Variants in IL1RAPL1 observed in about 807,000 individuals in gnomAD.
IL1RAPL1 encodes the protein interleukin 1 receptor accessory protein like 1.
IL1RAPL1 carries 3 observed loss-of-function variants against 48.4 expected under a neutral mutation model. The observed-to-expected ratio is 0.06, with a 90% CI of 0.03 to 0.16. IL1RAPL1 has a LOEUF of 0.16. IL1RAPL1 is among the 10% of genes least tolerant of loss of function. The probability of loss-of-function intolerance (pLI) is 1.00; values close to 1 mark genes in which losing one functional copy is unlikely to be tolerated. For missense variants in IL1RAPL1, 349 were observed against 530.6 expected, an observed-to-expected ratio of 0.66 and a Z score of 3.36; for synonymous variants, 185 against 187.7, an observed-to-expected ratio of 0.99 and a Z score of 0.12.
chrX:29,176,289 A>G (rs1260642149), intron 2 of IL1RAPL1, among the ~76,000 whole-genome samples: 1 of 98,153 alleles, frequency 1.0e-5, no homozygotes, highest in Non-Finnish European at 2.0e-5. Flanking sequence ...TTTTTTTAGT[A>G]GAGACGGGGT....
In IL1RAPL1 at chrX:28,825,171, G is replaced by A. The variant is rs541946611; in HGVS notation, c.82+35746G>A. Among the ~76,000 whole-genome samples, 92 of 111,664 alleles carry A rather than the reference G, an allele frequency of 8.2e-4. No individual in the cohort carries two copies. The South Asian group carries it at 0.019, about 22-fold the overall frequency. On this transcript the variant is annotated intron_variant, in intron 2 of 10. Transcript: ENST00000378993. ...TTAATGGTATTAAAAATGCTTTTTT[G>A]AGGCCAATGAGAACTTGATATACAG...
chrX:29,310,128 AAGAAAG>A (rs1932697341), intron 3 of IL1RAPL1, among the ~76,000 whole-genome samples: 1 of 58,826 alleles, frequency 1.7e-5, no homozygotes, highest in Admixed American at 1.9e-4. Flanking sequence ...AAAAAAAAAA[AAGAAAG>A]GAAAAAAAAA....
chrX:28,798,162 TG>T (rs753777759), intron 2 of IL1RAPL1, among the ~76,000 whole-genome samples: 21 of 110,937 alleles, frequency 1.9e-4, no homozygotes, highest in African/African-American at 6.9e-4. Context: ...GAGATTTGGG[TG>T]GGGACACAGC....
chrX:29,710,835 A>T (rs1315533090), intron 6 of IL1RAPL1, among the ~76,000 whole-genome samples: 2 of 107,494 alleles, frequency 1.9e-5, no homozygotes, highest in East Asian at 5.8e-4. Flanking sequence ...AAATCTTGTT[A>T]TCTGCTAGAT....
At chrX:28,940,092 T>G (rs1924127688) in intron 2 of IL1RAPL1, among the ~76,000 whole-genome samples, 1 of 111,600 alleles carries the variant, frequency 9.0e-6, no homozygotes, top group Non-Finnish European at 1.9e-5. Flanking sequence ...ATTTAATATG[T>G]GGATACAGAA....
chrX:28,798,096 G>A (rs767542815), intron 2 of IL1RAPL1, among the ~76,000 whole-genome samples: 13 of 111,403 alleles, frequency 1.2e-4, no homozygotes, highest in East Asian at 8.5e-4. Context: ...ATTCCATCAC[G>A]TCCCACCAGA....
At position 29,863,095 on chromosome X, in the gene IL1RAPL1, A is replaced by G. The variant is rs952548045; in HGVS notation, c.779-54369A>G. On this transcript the variant is annotated intron_variant, in intron 6 of 10. Coordinates refer to ENST00000378993, the MANE Select transcript of IL1RAPL1 (RefSeq NM_014271.4). ...CAAATCCCAACTCTGTTAATGATAT[A>G]TAATGTGAATGCCATAAACTTTCTG... 2.7e-5 allele frequency among the ~76,000 whole-genome samples: 3 copies of G among 111,197 alleles called. No individual in the cohort carries two copies. In the East Asian group the frequency reaches 8.4e-4, roughly 31 times the overall value.
At chrX:28,996,221 C>T (rs1925721665) in intron 2 of IL1RAPL1, among the ~76,000 whole-genome samples, 1 of 111,383 alleles carries the variant, frequency 9.0e-6, no homozygotes, top group Non-Finnish European at 1.9e-5. Flanking sequence ...CATATGTGTC[C>T]TTTGTGACTG....
At chrX:29,485,282 A>G (rs1331945214) in intron 5 of IL1RAPL1, among the ~76,000 whole-genome samples, 1 of 112,307 alleles carries the variant, frequency 8.9e-6, no homozygotes, top group Non-Finnish European at 1.9e-5. Context: ...AAATGAGTAG[A>G]AACTGAATGA....
chrX:29,121,913 A>G (rs918311122), intron 2 of IL1RAPL1, among the ~76,000 whole-genome samples: 8 of 112,035 alleles, frequency 7.1e-5, no homozygotes, highest in Non-Finnish European at 1.5e-4. Context: ...GATATTTGCC[A>G]GGTGTTATGC....
intron 9 of IL1RAPL1, among the ~76,000 whole-genome samples, chrX:29,944,704 C>G (rs1601894931): frequency 9.0e-6 from 1 of 111,572 alleles, no homozygotes; most frequent in African/African-American, 3.3e-5. Context: ...TTCCAGGGAA[C>G]TCATATGTAG....
At chrX:29,914,445 T>C (rs1932782119) in intron 6 of IL1RAPL1, among the ~76,000 whole-genome samples, 1 of 111,339 alleles carries the variant, frequency 9.0e-6, no homozygotes, top group Non-Finnish European at 1.9e-5. Context: ...TTTACTAAAA[T>C]TGTAATGGAA....
intron 2 of IL1RAPL1, among the ~76,000 whole-genome samples, chrX:29,024,742 T>G (rs1343038999): frequency 1.8e-5 from 2 of 111,797 alleles, no homozygotes; most frequent in African/African-American, 6.5e-5. Context: ...TCCAGTCTTG[T>G]CCATCCAAAG....
chrX:29,216,711 A>C (rs2147546265), intron 2 of IL1RAPL1, among the ~76,000 whole-genome samples: 1 of 111,895 alleles, frequency 8.9e-6, no homozygotes, highest in African/African-American at 3.2e-5. Context: ...TTAAGATTTC[A>C]AAGGAGATGG....
chrX:29,399,367 T>A, intron 5 of IL1RAPL1, 59 bp downstream of exon 5: 1 of 945,579 alleles, frequency 1.1e-6, no homozygotes, highest in Admixed American at 2.2e-5. Flanking sequence ...TTAAGTTAGT[T>A]TTTATGCTAC....
chrX:29,771,187 C>CT (rs1251702497), intron 6 of IL1RAPL1, among the ~76,000 whole-genome samples: 1 of 111,987 alleles, frequency 8.9e-6, no homozygotes, highest in Non-Finnish European at 1.9e-5. Context: ...ATATGTCCCC[C>CT]TTTGATTGAC....
At chrX:28,803,021 AT>A (rs1936692577) in intron 2 of IL1RAPL1, among the ~76,000 whole-genome samples, 1 of 111,425 alleles carries the variant, frequency 9.0e-6, no homozygotes, top group Non-Finnish European at 1.9e-5. Context: ...ATTTTGCTAC[AT>A]TTTTATAATA....
chrX:29,699,283 G>C (rs761473137), intron 6 of IL1RAPL1, among the ~76,000 whole-genome samples: 7 of 112,094 alleles, frequency 6.2e-5, no homozygotes, highest in Admixed American at 1.9e-4. Context: ...TGTTTATTTT[G>C]CTTTGTTATT....
intron 6 of IL1RAPL1, among the ~76,000 whole-genome samples, chrX:29,850,121 C>T (rs998272487): frequency 8.9e-6 from 1 of 111,988 alleles, no homozygotes; most frequent in African/African-American, 3.2e-5. Flanking sequence ...AGTGTAGTCC[C>T]TTGGGAAAGT....
Sources: allele counts gnomAD v4.1 joint callset (sites outside exome capture counted in the v4.1 genomes callset), GRCh38; gene constraint gnomAD v4.1.1; transcripts MANE v1.5; gene names NCBI Gene and HGNC (gene_info 2026-07-23, HGNC 2026-07-21).